Variants in SLAMF6 observed in about 807,000 individuals in gnomAD.
SLAMF6 encodes the protein NK-T-B-antigen.
SLAMF6 carries 21 observed loss-of-function variants against 38.3 expected under a neutral mutation model. That is an observed-to-expected ratio of 0.55 (90% CI 0.39 to 0.79). SLAMF6 has a LOEUF of 0.79. Among genes scored for constraint, SLAMF6 ranks in the 30% least tolerant of loss-of-function variants. The pLI is 0.00. For synonymous variants in SLAMF6, 152 were observed against 146.3 expected (o/e 1.04, Z -0.28); for missense variants, 341 against 385.3 (o/e 0.89, Z 0.96).
chr1:160,505,805 G>A (rs1229087338), intron 1 of SLAMF6, among the ~76,000 whole-genome samples: 2 of 152,098 alleles, frequency 1.3e-5, no homozygotes, highest in East Asian at 3.8e-4. Flanking sequence ...ATTTTTAAAA[G>A]ATAGAAATAA....
chr1:160,490,508 C>A (rs188400620), intron 4 of SLAMF6, 67 bp downstream of exon 4: 6 of 1,573,830 alleles, frequency 3.8e-6, no homozygotes, highest in Non-Finnish European at 5.2e-6. Context: ...CCTTGGGAAT[C>A]AGAGGCCCCA....
chr1:160,506,585 A>G (rs1654199465), intron 1 of SLAMF6, among the ~76,000 whole-genome samples: 1 of 152,228 alleles, frequency 6.6e-6, no homozygotes. Flanking sequence ...ACCAAGAAAC[A>G]AAGAATGAAG....
At chr1:160,518,828 C>T (rs555239502) in intron 1 of SLAMF6, among the ~76,000 whole-genome samples, 3 of 151,930 alleles carry the variant, frequency 2.0e-5, no homozygotes, top group Non-Finnish European at 4.4e-5. Context: ...GGGCTTAATA[C>T]TTAGGTGAGG....
intron 1 of SLAMF6, among the ~76,000 whole-genome samples, chr1:160,515,840 T>G (rs1022079189): frequency 6.6e-6 from 1 of 152,188 alleles, no homozygotes; most frequent in African/African-American, 2.4e-5. Flanking sequence ...AACCAGGTAT[T>G]GATGGAACAT....
intron 4 of SLAMF6, 151 bp from the exon 5 acceptor site, chr1:160,490,387 ATT>A (rs1653222386): frequency 1.5e-6 from 2 of 1,367,930 alleles, no homozygotes; most frequent in South Asian, 2.6e-5. Context: ...CCAGTAGGAC[ATT>A]TCTCTCAGGA....
chr1:160,518,485 A>T (rs762763529), intron 1 of SLAMF6, among the ~76,000 whole-genome samples: 7 of 152,172 alleles, frequency 4.6e-5, no homozygotes, highest in Non-Finnish European at 7.3e-5. Flanking sequence ...TCTTCATTGC[A>T]GCACTATTCA....
intron 1 of SLAMF6, among the ~76,000 whole-genome samples, chr1:160,503,866 T>C (rs1654038670): frequency 6.6e-6 from 1 of 151,952 alleles, no homozygotes; most frequent in Non-Finnish European, 1.5e-5. Context: ...ACCCTGTCTC[T>C]ACTGAAAATA....
intron 5 of SLAMF6, among the ~76,000 whole-genome samples, chr1:160,489,690 C>A: frequency 6.6e-6 from 1 of 152,162 alleles, no homozygotes; most frequent in East Asian, 1.9e-4. Context: ...AACCTTATGC[C>A]TTTTCCTCTG....
At chr1:160,503,082 A>G (rs1653994042) in intron 1 of SLAMF6, among the ~76,000 whole-genome samples, 2 of 152,206 alleles carry the variant, frequency 1.3e-5, no homozygotes, top group Non-Finnish European at 2.9e-5. Flanking sequence ...AGTCTTGGGT[A>G]GACGTGGTTC....
At chr1:160,509,224 A>G (rs1571307820) in intron 1 of SLAMF6, among the ~76,000 whole-genome samples, 1 of 152,372 alleles carries the variant, frequency 6.6e-6, no homozygotes, top group East Asian at 1.9e-4. Context: ...TTGTGGCACT[A>G]TTCACAATAG....
chr1:160,501,360 C>T (rs1040132379), intron 1 of SLAMF6, among the ~76,000 whole-genome samples: 4 of 152,164 alleles, frequency 2.6e-5, no homozygotes, highest in African/African-American at 7.2e-5. Flanking sequence ...GCATTGCCCT[C>T]GTATCACTAT....
intron 1 of SLAMF6, among the ~76,000 whole-genome samples, chr1:160,496,824 C>T (rs1199143605): frequency 6.6e-6 from 1 of 152,166 alleles, no homozygotes; most frequent in Admixed American, 6.5e-5. Flanking sequence ...GTGTGTCCAA[C>T]ATAGTAGGCT....
chr1:160,487,610 G>T (rs1422890853), intron 6 of SLAMF6, among the ~76,000 whole-genome samples: 1 of 152,074 alleles, frequency 6.6e-6, no homozygotes, highest in East Asian at 1.9e-4. Flanking sequence ...AATTCTAACT[G>T]CCTTGTCATC....
In SLAMF6 at chr1:160,507,928, A is replaced by C. The variant is rs1205413938; in HGVS notation, c.50-11535T>G. ...TTTTATCCCTCTGAAAGAAAGAAGG[A>C]AGACTAGGAATCCAACTTAAAAGGG... On this transcript the variant is annotated intron_variant, in intron 1 of 7. Transcript: ENST00000368057. Among the ~76,000 whole-genome samples the C allele has an allele frequency of 2.6e-5, 4 of 152,108 alleles. No individual in the cohort carries two copies. The South Asian group carries it at 8.3e-4, about 32-fold the overall frequency.
At position 160,523,201 on chromosome 1, in the gene SLAMF6, C is replaced by T. The variant is rs183850576; in HGVS notation, c.-9G>A. On this transcript the variant is annotated 5_prime_UTR_variant, in exon 1 of 8. Transcript: ENST00000368057. ...TGGAACAGCCACAACATGCTTTCCGCGGTGAAGACTGGTGCTTGAGACCTT... is the reference window on the plus strand; with the variant it reads ...TGGAACAGCCACAACATGCTTTCCGTGGTGAAGACTGGTGCTTGAGACCTT... 308 of 1,613,298 alleles carry T rather than the reference C, an allele frequency of 1.9e-4. 1 individual carries two copies. The African/African-American group carries it at 3.5e-3, about 18-fold the overall frequency.
At chr1:160,522,570 A>G (rs1268503939) in intron 1 of SLAMF6, among the ~76,000 whole-genome samples, 1 of 152,222 alleles carries the variant, frequency 6.6e-6, no homozygotes, top group Admixed American at 6.5e-5. Context: ...TGCCATATAT[A>G]ATGCATTGCT....
chr1:160,521,241 C>A (rs1654970305), intron 1 of SLAMF6, among the ~76,000 whole-genome samples: 1 of 152,132 alleles, frequency 6.6e-6, no homozygotes, highest in South Asian at 2.1e-4. Flanking sequence ...CTGCATCTGC[C>A]TCCTGTAAAC....
intron 2 of SLAMF6, among the ~76,000 whole-genome samples, chr1:160,494,389 T>C (rs960226273): frequency 1.3e-5 from 2 of 152,126 alleles, no homozygotes; most frequent in African/African-American, 2.4e-5. Flanking sequence ...AGGCTTTCCA[T>C]TGGATGAGTC....
At chr1:160,517,976 A>G (rs2102069285) in intron 1 of SLAMF6, among the ~76,000 whole-genome samples, 1 of 152,306 alleles carries the variant, frequency 6.6e-6, no homozygotes, top group African/African-American at 2.4e-5. Context: ...TATGTAACAA[A>G]CCTGCACATA....
Sources: gnomAD v4.1 joint callset for allele counts (sites outside exome capture counted in the v4.1 genomes callset) on GRCh38, gnomAD v4.1.1 for gene constraint, MANE v1.5 for transcripts, NCBI Gene and HGNC (gene_info 2026-07-23, HGNC 2026-07-21) for gene names.